PDE8B: variants seen among roughly 807,000 people sequenced by gnomAD.
PDE8B encodes the protein phosphodiesterase 8B, also known as high affinity cAMP-specific and IBMX-insensitive 3',5'-cyclic phosphodiesterase 8B.
PDE8B carries 26 observed loss-of-function variants against 101.3 expected under a neutral mutation model. The observed-to-expected ratio is 0.26, with a 90% CI of 0.19 to 0.36. The LOEUF is 0.36. Ranked by LOEUF, PDE8B falls within the 10% of genes least tolerant of loss-of-function variation. The pLI, the probability that PDE8B is intolerant of heterozygous loss-of-function variation, is 1.00. For synonymous variants in PDE8B, 424 were observed against 429.3 expected (o/e 0.99, Z 0.15); for missense variants, 810 against 1,163.1 (o/e 0.70, Z 4.42).
At chr5:77,425,299 G>A (rs1797804056) in intron 20 of PDE8B, among the ~76,000 whole-genome samples, 1 of 152,156 alleles carries the variant, frequency 6.6e-6, no homozygotes, top group Non-Finnish European at 1.5e-5. Context: ...AGTGGCTCGT[G>A]CCTATAATCC....
At chr5:77,131,859 C>A in the PDE8B span, among the ~76,000 whole-genome samples, 1 of 152,056 alleles carries the variant, frequency 6.6e-6, no homozygotes, top group South Asian at 2.1e-4. Context: ...AGAAAGGGGT[C>A]CATTCAACAA....
At chr5:77,369,519 C>G (rs1784721582) in intron 10 of PDE8B, among the ~76,000 whole-genome samples, 1 of 152,244 alleles carries the variant, frequency 6.6e-6, no homozygotes, top group Non-Finnish European at 1.5e-5. Flanking sequence ...AAATGGCATG[C>G]TGTATCTGAA....
intron 1 of PDE8B, among the ~76,000 whole-genome samples, chr5:77,229,368 G>A (rs972234081): frequency 9.9e-5 from 15 of 152,162 alleles, no homozygotes; most frequent in Non-Finnish European, 1.6e-4. Context: ...ACTCTGGCAC[G>A]CAGATACTGC....
In PDE8B at chr5:77,344,934, A is replaced by G. The variant is rs1483186317; in HGVS notation, c.876+3A>G. 6.3e-7 allele frequency: 1 copy of G among 1,591,156 alleles called. No individual in the cohort carries two copies. On this transcript the variant is annotated splice_donor_region_variant and intron_variant, in intron 7 of 21. Coordinates refer to ENST00000264917, the MANE Select transcript of PDE8B (RefSeq NM_003719.5). ...CAAGCGATGACCACGTGATTCAGGT[A>G]TGGAAAGAAACCACCTCTATCATTA...
intron 1 of PDE8B, among the ~76,000 whole-genome samples, chr5:77,288,357 A>G (rs1340945735): frequency 7.2e-5 from 11 of 152,226 alleles, no homozygotes; most frequent in Admixed American, 7.2e-4. Flanking sequence ...GGATATGGAC[A>G]CCAAAAGCCA....
chr5:77,124,949 T>G, the PDE8B span, among the ~76,000 whole-genome samples: 2,395 of 152,268 alleles, frequency 0.016, 57 homozygotes, highest in African/African-American at 0.054. Flanking sequence ...AAAAGAAATT[T>G]CTAAATTCTT....
intron 10 of PDE8B, among the ~76,000 whole-genome samples, chr5:77,372,214 A>G (rs6896812): frequency 0.45 from 67,623 of 151,900 alleles, 16,523 homozygotes; most frequent in South Asian, 0.58. Flanking sequence ...CAACAACAAC[A>G]ACAACAACAA....
the PDE8B span, among the ~76,000 whole-genome samples, chr5:77,095,086 A>G: frequency 4.6e-5 from 7 of 152,200 alleles, no homozygotes; most frequent in South Asian, 1.0e-3. Flanking sequence ...CTCTCAAAAA[A>G]TTGCCCTTGT....
chr5:77,233,278 A>G (rs1460441318), intron 1 of PDE8B, among the ~76,000 whole-genome samples: 1 of 152,000 alleles, frequency 6.6e-6, no homozygotes, highest in Non-Finnish European at 1.5e-5. Flanking sequence ...AAGCCCTACC[A>G]TTGATGAAGG....
chr5:77,251,943 A>G (rs935631296), intron 1 of PDE8B, among the ~76,000 whole-genome samples: 9 of 152,130 alleles, frequency 5.9e-5, no homozygotes, highest in Admixed American at 5.2e-4. Flanking sequence ...TGAGTGCTAT[A>G]CATATGGTTG....
intron 1 of PDE8B, among the ~76,000 whole-genome samples, chr5:77,293,323 C>T (rs1371080779): frequency 6.6e-6 from 1 of 152,152 alleles, no homozygotes; most frequent in African/African-American, 2.4e-5. Flanking sequence ...GTTTTATTAG[C>T]CAGTGGCTGG....
chr5:77,112,001 AAAATT>A, the PDE8B span: 4 of 152,222 alleles, frequency 2.6e-5, no homozygotes, highest in African/African-American at 9.6e-5. Flanking sequence ...CATTTAAAAA[AAAATT>A]AAATTATATG....
At chr5:77,425,658 A>G in intron 20 of PDE8B, 109 bp from the exon 21 acceptor site, 1 of 1,135,932 alleles carries the variant, frequency 8.8e-7, no homozygotes, top group Non-Finnish European at 1.3e-6. Context: ...TTCTTCATTG[A>G]GAAAACTGGA....
chr5:77,131,366 G>T, the PDE8B span, among the ~76,000 whole-genome samples: 1 of 152,166 alleles, frequency 6.6e-6, no homozygotes, highest in Non-Finnish European at 1.5e-5. Flanking sequence ...AAGCCCAATG[G>T]CTCAGGCTTG....
intron 1 of PDE8B, among the ~76,000 whole-genome samples, chr5:77,235,467 C>A (rs116592090): frequency 0.019 from 2,918 of 152,226 alleles, 42 homozygotes; most frequent in Non-Finnish European, 0.028. Context: ...CTCATTCTTG[C>A]AGATCAAGGA....
upstream of PDE8B, among the ~76,000 whole-genome samples, chr5:77,206,936 G>C (rs912990319): frequency 6.6e-6 from 1 of 152,224 alleles, no homozygotes; most frequent in Non-Finnish European, 1.5e-5. Context: ...TGGTGATTTA[G>C]AGACTCTGGA....
the PDE8B span, chr5:77,141,110 C>G: frequency 1.3e-5 from 2 of 152,036 alleles, no homozygotes; most frequent in Admixed American, 1.3e-4. Flanking sequence ...TTTTACCTTT[C>G]AATATTCTAA....
At chr5:77,187,410 A>T in the PDE8B span, among the ~76,000 whole-genome samples, 1 of 152,196 alleles carries the variant, frequency 6.6e-6, no homozygotes, top group Non-Finnish European at 1.5e-5. Context: ...AGATGTGCAA[A>T]GGGGTTACCT....
the PDE8B span, among the ~76,000 whole-genome samples, chr5:77,167,280 C>T: frequency 1.3e-5 from 2 of 152,166 alleles, no homozygotes; most frequent in Non-Finnish European, 2.9e-5. Flanking sequence ...AAGTCAGATG[C>T]CCCTTAATGA....
Sources: gnomAD v4.1 joint callset for allele counts (sites outside exome capture counted in the v4.1 genomes callset) on GRCh38, gnomAD v4.1.1 for gene constraint, MANE v1.5 for transcripts, NCBI Gene and HGNC (gene_info 2026-07-23, HGNC 2026-07-21) for gene names.